The following POLRMT variants were observed in gnomAD, a reference collection of about 807,000 sequenced individuals.
POLRMT encodes the protein DNA-directed RNA polymerase, mitochondrial.
In POLRMT, 114 loss-of-function variants were observed where a neutral mutation model predicts 132.2. The ratio of observed to expected loss-of-function variants is 0.86; its 90% CI spans 0.74 to 1.01. The LOEUF (loss-of-function observed/expected upper bound fraction) is 1.01, where lower values mean the gene tolerates loss of function less well. POLRMT is among the 50% of genes least tolerant of loss of function. The probability of loss-of-function intolerance (pLI) is 0.00; values close to 1 mark genes in which losing one functional copy is unlikely to be tolerated. For synonymous variants in POLRMT, 1,020 were observed against 773.4 expected (o/e 1.32, Z -5.29); for missense variants, 2,003 against 1,729.1 (o/e 1.16, Z -2.81).
chr19:629,024 AAAAAG>A (rs1408931315), intron 3 of POLRMT, among the ~76,000 whole-genome samples: 4 of 152,174 alleles, frequency 2.6e-5, no homozygotes, highest in Non-Finnish European at 5.9e-5. Context: ...ATAAACAAAC[AAAAAG>A]AAAACGGCAA....
chr19:625,053 G>A, intron 4 of POLRMT, 71 bp downstream of exon 4: 1 of 1,546,264 alleles, frequency 6.5e-7, no homozygotes, highest in Non-Finnish European at 8.7e-7. Context: ...CCCCAGCCCA[G>A]GCACCGTCCC....
intron 3 of POLRMT, among the ~76,000 whole-genome samples, chr19:626,315 C>T (rs971123440): frequency 6.6e-6 from 1 of 151,768 alleles, no homozygotes; most frequent in Non-Finnish European, 1.5e-5. Context: ...CCACACCCAG[C>T]TAATTATTTT....
Position 619,041 on chromosome 19 carries a change from C to A in POLRMT, c.3223G>T (p.Gly1075Cys). 1.2e-6 allele frequency: 2 copies of A among 1,604,844 alleles called. No individual in the cohort carries two copies. Among genetic ancestry groups the A allele is most frequent in the Non-Finnish European group, 1.7e-6 (2 of 1,175,962 alleles). The part of the protein sequence containing the change: ...GSVVEWVTPL[G>C]VPVIQPYRLD... ...CGATAGGGCTGGATGACGGGGACGC[C>A]CAGGGGTGTGACCCACTCCACCACA... Residue 1075 changes from glycine to cysteine, a missense_variant, in exon 15 of 21, where the codon GGC becomes TGC. By Grantham distance (159) the Gly-to-Cys change is radical. Coordinates refer to ENST00000588649, the MANE Select transcript of POLRMT (RefSeq NM_005035.4).
rs756930444 is a variant in POLRMT, at chr19:619,610, G to A, written c.3042C>T (p.Leu1014=). 2.5e-6 allele frequency: 4 copies of A among 1,611,132 alleles called. No homozygotes were observed. The South Asian group carries it at 3.3e-5, about 13-fold the overall frequency. Residue 1014 remains leucine, a synonymous_variant, in exon 13 of 21, where the codon CTC becomes CTT. Coordinates refer to ENST00000588649, the MANE Select transcript of POLRMT (RefSeq NM_005035.4). ...CCTGGGGAAAGTCGCTCAGCTCCCG[G>A]AGGCGCTTCTCAATCTGCAGGCGCC... is the stretch of plus-strand genomic sequence containing the variant. ...YGGRLQIEKR[L]RELSDFPQEF...
At position 623,662 on chromosome 19, in the gene POLRMT, G is replaced by A. The variant is rs1267159350; in HGVS notation, c.1141-59C>T. The A allele has an allele frequency of 1.4e-5, 22 of 1,579,412 alleles. 1 individual carries two copies. Among genetic ancestry groups the A allele is most frequent in the South Asian group, 1.3e-4 (12 of 90,244 alleles). On this transcript the variant is annotated intron_variant, in intron 5 of 20. Transcript: ENST00000588649. ...GCCAGAGGGCGACCTGCCCTCCCAG[G>A]ACCCCGAGACAGCATGGGTGCACGC...
At chr19:623,092 G>T in intron 6 of POLRMT, 107 bp from the exon 7 acceptor site, 1 of 1,345,486 alleles carries the variant, frequency 7.4e-7, no homozygotes, top group Non-Finnish European at 1.0e-6. Context: ...GGCCCTCAAG[G>T]TCCCTGCTGT....
intron 3 of POLRMT, among the ~76,000 whole-genome samples, chr19:629,164 C>T (rs1420799391): frequency 1.3e-5 from 2 of 152,118 alleles, no homozygotes; most frequent in Non-Finnish European, 2.9e-5. Flanking sequence ...CTCAGCACAG[C>T]AGCCCGACCT....
chr19:617,270 G>T lies in POLRMT; in HGVS notation c.*4C>A. On this transcript the variant is annotated 3_prime_UTR_variant, in exon 21 of 21. Transcript: ENST00000588649. ...ATTTACACACTGACAAGGCTCACGG[G>T]GTGTCAGCTGAAGAAGTAGGTGGAA... The T allele has an allele frequency of 6.2e-7, 1 of 1,612,728 alleles. No homozygotes were observed. The highest frequency in any genetic ancestry group is 8.5e-7 in the Non-Finnish European group (1 of 1,179,832).
chr19:617,379 G>T, intron 20 of POLRMT, 40 bp downstream of exon 20: 8 of 1,612,198 alleles, frequency 5.0e-6, no homozygotes, highest in Non-Finnish European at 6.8e-6. Flanking sequence ...GCCCTGGCCC[G>T]CAGTTCGAGC....
Position 617,981 on chromosome 19 carries a change from AC to A in POLRMT, c.3423-133del, listed in dbSNP as rs1344966323. The A allele has an allele frequency of 1.3e-5, 8 of 628,848 alleles. 1 individual carries two copies. The South Asian group carries it at 1.4e-4, about 11-fold the overall frequency. 39.0% of individuals were successfully genotyped at this position (628,848 alleles called of 1,614,324 possible). On this transcript the variant is annotated intron_variant, in intron 17 of 20. Coordinates refer to ENST00000588649, the MANE Select transcript of POLRMT (RefSeq NM_005035.4). ...CCCACCCTCCTGCAGGCCTCGCCCC[AC>A]CCCTCGCCCCGCCCCTCCCCAAACA...
rs768503414 is a variant in POLRMT, at chr19:622,651, G to A, written c.1557C>T (p.Val519=). 3 of 1,606,802 alleles carry A rather than the reference G, an allele frequency of 1.9e-6. No individual in the cohort carries two copies. The highest frequency in any genetic ancestry group is 2.2e-5 in the South Asian group (2 of 90,128). The change falls in exon 8 of 21, where the codon GTC becomes GTT. Residue 519 remains valine (V), a synonymous_variant. Coordinates refer to ENST00000588649, the MANE Select transcript of POLRMT (RefSeq NM_005035.4). The stretch of plus-strand genomic sequence containing the variant: ...TCTGCAGCGCCTGCACCTGGCCACT[G>A]ACCCGCTGCCTCTGCACCACGTGCC... ...FSRHVVQRQR[V]SGQVQALQNH... is the part of the protein sequence containing the mutation.
At chr19:629,428 A>G (rs1051943664) in intron 3 of POLRMT, 112 bp downstream of exon 3, 13 of 1,126,238 alleles carry the variant, frequency 1.2e-5, no homozygotes, top group Non-Finnish European at 1.5e-5. Flanking sequence ...TATTAAAATA[A>G]AAAACAAAGG....
Position 630,113 on chromosome 19 carries a change from C to A in POLRMT, c.249G>T (p.Val83=), listed in dbSNP as rs1985306664. Residue 83 remains valine (V), a synonymous_variant, in exon 3 of 21, where the codon GTG becomes GTT. Coordinates refer to ENST00000588649, the MANE Select transcript of POLRMT (RefSeq NM_005035.4). ...GGAGCCGCGCCACATCCACCCTGTT[C>A]ACCACCACCTCCGACACGCTCTCAG... ...LQAESVSEVV[V]NRVDVARLPE... 1.2e-6 allele frequency: 2 copies of A among 1,612,822 alleles called. No homozygotes were observed. Among genetic ancestry groups the A allele is most frequent in the Non-Finnish European group, 1.7e-6 (2 of 1,179,512 alleles).
intron 17 of POLRMT, 49 bp from the exon 18 acceptor site, chr19:617,898 C>T (rs1329162097): frequency 3.2e-6 from 5 of 1,557,296 alleles, no homozygotes; most frequent in Non-Finnish European, 3.5e-6. Context: ...CACAGGGCCA[C>T]CCAGTGACCA....
rs765087533 is a variant in POLRMT at position 621,329 on chromosome 19, C to T, written c.2369G>A (p.Arg790Gln). 14 of 1,592,534 alleles carry T rather than the reference C, an allele frequency of 8.8e-6. No homozygotes were observed. Among genetic ancestry groups the T allele is most frequent in the Non-Finnish European group, 2.6e-6 (3 of 1,175,886 alleles). Residue 790 changes from arginine to glutamine, a missense_variant, in exon 10 of 21, where the codon CGG becomes CAG. Physicochemically the swap from Arg to Gln is conservative, Grantham distance 43. Coordinates refer to ENST00000588649, the MANE Select transcript of POLRMT (RefSeq NM_005035.4). ...LYRLSLAQHL[R>Q]DRVFWLPHNM... is the part of the protein sequence containing the mutation. Reference sequence around the variant, plus strand: ...GTGCGGCAGCCAGAAGACGCGGTCCCGCAGGTGCTGCGCCAGCGAGAGGCG... The same window carrying T: ...GTGCGGCAGCCAGAAGACGCGGTCCTGCAGGTGCTGCGCCAGCGAGAGGCG...
rs373106746 is a variant in POLRMT at position 623,522 on chromosome 19, G to A, written c.1222C>T (p.Leu408=). The change falls in exon 6 of 21, where the codon CTG becomes TTG. Residue 408 remains leucine, a synonymous_variant. Transcript: ENST00000588649. ...CLFEKQLHME[L]ASRVCVVSVE... ...GACACCACGCACACCCTGCTGGCCA[G>A]CTCCATGTGGAGCTGCTTCTCAAAG... 2.1e-5 allele frequency: 34 copies of A among 1,613,440 alleles called. No homozygotes were observed. In the East Asian group the frequency reaches 2.7e-4, roughly 13 times the overall value.
chr19:622,294 A>T lies in POLRMT; in HGVS notation c.1706T>A (p.Leu569Gln). ...CTTGCCCAGCTCCATCTGCACTGGC[A>T]GGGGCCAGGGCTGCTCCCGCAGGGC... is the stretch of plus-strand genomic sequence containing the variant. ...PEALREQPWP[L>Q]PVQMELGKLL... Residue 569 changes from leucine (L) to glutamine (Q), a missense_variant, in exon 9 of 21, where the codon CTG (leucine) becomes CAG (glutamine). By Grantham distance (113) the Leu-to-Gln change is moderately radical. Transcript: ENST00000588649. The T allele has an allele frequency of 6.4e-7, 1 of 1,566,366 alleles. No individual in the cohort carries two copies. Among genetic ancestry groups the T allele is most frequent in the Non-Finnish European group, 8.6e-7 (1 of 1,156,710 alleles).
intron 15 of POLRMT, 117 bp from the exon 16 acceptor site, chr19:618,877 T>C: frequency 1.5e-6 from 2 of 1,372,748 alleles, no homozygotes; most frequent in Non-Finnish European, 2.0e-6. Flanking sequence ...TGGCGCGGGA[T>C]GGGGTGGCAC....
intron 3 of POLRMT, among the ~76,000 whole-genome samples, chr19:627,869 G>A (rs1600587706): frequency 1.4e-5 from 2 of 147,332 alleles, no homozygotes; most frequent in South Asian, 4.4e-4. Flanking sequence ...AGGCTGTAGT[G>A]AGCCGAGATC....
Sources: gnomAD v4.1 joint callset for allele counts (sites outside exome capture counted in the v4.1 genomes callset) on GRCh38, gnomAD v4.1.1 for gene constraint, MANE v1.5 for transcripts, NCBI Gene and HGNC (gene_info 2026-07-23, HGNC 2026-07-21) for gene names.